The following KIF13A variants were observed in gnomAD, a reference collection of about 807,000 sequenced individuals.
KIF13A encodes the protein kinesin family member 13A, also known as kinesin-like protein KIF13A.
Under a neutral mutation model 212.2 loss-of-function variants are expected in KIF13A, and 79 were observed. That is an observed-to-expected ratio of 0.37 (90% CI 0.31 to 0.45). KIF13A has a LOEUF of 0.45. Ranked by LOEUF, KIF13A falls within the 20% of genes least tolerant of loss-of-function variation. The pLI is 1.00. For synonymous variants in KIF13A, 789 were observed against 808.6 expected, an observed-to-expected ratio of 0.98 and a Z score of 0.41; for missense variants, 1,901 against 2,209.0, an observed-to-expected ratio of 0.86 and a Z score of 2.79.
intron 4 of KIF13A, among the ~76,000 whole-genome samples, chr6:17,866,250 C>A (rs555932352): frequency 1.3e-5 from 2 of 152,130 alleles, no homozygotes; most frequent in East Asian, 1.9e-4. Context: ...GTATTTGAGG[C>A]GAGGTTAAAA....
At chr6:17,762,938 A>C (rs1758652996), downstream of KIF13A, among the ~76,000 whole-genome samples, 1 of 152,204 alleles carries the variant, frequency 6.6e-6, no homozygotes, top group Non-Finnish European at 1.5e-5. Flanking sequence ...CGCAAAACAA[A>C]GGGATAGAGT....
intron 2 of KIF13A, among the ~76,000 whole-genome samples, chr6:17,903,467 T>C (rs1315256946): frequency 1.3e-5 from 2 of 152,164 alleles, no homozygotes; most frequent in African/African-American, 4.8e-5. Flanking sequence ...ATAGTATGGC[T>C]AGAATTTAGG....
chr6:17,802,913 A>ATT (rs58703798), intron 20 of KIF13A, among the ~76,000 whole-genome samples: 1 of 144,372 alleles, frequency 6.9e-6, no homozygotes, highest in Non-Finnish European at 1.5e-5. Flanking sequence ...TGCCTGGTTA[A>ATT]TTTTTTTGTG....
rs554134502 is a variant in KIF13A, at chr6:17,768,189, A to G, written c.4581+2925T>C. Among the ~76,000 whole-genome samples the G allele has an allele frequency of 1.1e-4, 17 of 152,336 alleles. No individual in the cohort carries two copies. The highest frequency in any genetic ancestry group is 3.6e-4 in the African/African-American group (15 of 41,568). On this transcript the variant is annotated intron_variant, in intron 38 of 38. Transcript: ENST00000259711. The surrounding 1 kb of genome is among the most constrained non-coding windows in gnomAD (Gnocchi z 5.4). ...TTTTATACCAGAAATCTCATTTCTC[A>G]TCATAGCTTAAAGAAGAATAAACTA...
Position 17,875,003 on chromosome 6 carries a change from G to GCA in KIF13A, c.160-1568_160-1567dup, listed in dbSNP as rs905903459. 2.6e-3 allele frequency among the ~76,000 whole-genome samples: 349 copies of GCA among 133,366 alleles called. 4 individuals are homozygous for GCA. Among genetic ancestry groups the GCA allele is most frequent in the African/African-American group, 6.3e-3 (223 of 35,306 alleles). 87.5% of individuals were successfully genotyped at this position (133,366 alleles called of 152,430 possible). ...CACACACACACACACGCACACGCAC[G>GCA]CACACACACACACACACACACAGCA... is the stretch of plus-strand genomic sequence containing the variant. On this transcript the variant is annotated intron_variant, in intron 3 of 38. Transcript: ENST00000259711.
At chr6:17,797,973 C>T (rs1271720153) in intron 22 of KIF13A, among the ~76,000 whole-genome samples, 1 of 152,076 alleles carries the variant, frequency 6.6e-6, no homozygotes, top group East Asian at 1.9e-4. Context: ...TGGCAAATCA[C>T]CCAGAAAAAC....
chr6:17,938,628 T>C (rs1776678509), intron 2 of KIF13A, among the ~76,000 whole-genome samples: 1 of 152,150 alleles, frequency 6.6e-6, no homozygotes, highest in South Asian at 2.1e-4. Flanking sequence ...AACTTTTAAA[T>C]ATCCTTCCAG....
In KIF13A at chr6:17,794,128, T is replaced by C. The variant is rs1761835969; in HGVS notation, c.3222+121A>G. The stretch of plus-strand genomic sequence containing the variant: ...CTAGAAAAAAGGCAATGGATGGAAA[T>C]GTGAACTGGGGGAAGATCTACGGTT... On this transcript the variant is annotated intron_variant, in intron 25 of 38. Transcript: ENST00000259711. The surrounding 1 kb of genome is among the most constrained non-coding windows in gnomAD (Gnocchi z 4.1). The C allele has an allele frequency of 4.3e-6, 3 of 690,230 alleles. No individual in the cohort carries two copies. The highest frequency in any genetic ancestry group is 1.7e-5 in the African/African-American group (1 of 57,162). The allele number at this position is 690,230 out of a possible 1,614,324, so 42.8% of individuals were successfully genotyped here.
At position 17,834,014 on chromosome 6, in the gene KIF13A, CTTTT is replaced by C; in HGVS notation, c.1209_1212del (p.Ile403MetfsTer3). ...TTCTCTTCCCAAGTCACTGTTAGTTCTTTTATCAGCTTTTCAGACTCTTCGAGCT... is the reference window on the plus strand; with the variant it reads ...TTCTCTTCCCAAGTCACTGTTAGTTCATCAGCTTTTCAGACTCTTCGAGCT... On this transcript the variant is annotated frameshift_variant, in exon 12 of 39. Transcript: ENST00000259711. LOFTEE classifies it high-confidence loss of function. This position sits in a 1 kb window ranked among gnomAD's most constrained non-coding sequence, Gnocchi z 4.0. 6.2e-7 allele frequency: 1 copy of C among 1,604,152 alleles called. No homozygotes were observed. Among genetic ancestry groups the C allele is most frequent in the Non-Finnish European group, 8.5e-7 (1 of 1,177,878 alleles).
chr6:17,927,947 T>C (rs2150530968), intron 2 of KIF13A, among the ~76,000 whole-genome samples: 1 of 152,290 alleles, frequency 6.6e-6, no homozygotes, highest in South Asian at 2.1e-4. Flanking sequence ...CCCTGACCAC[T>C]CACAGTCATC....
Position 17,777,380 on chromosome 6 carries a change from A to G in KIF13A, c.4093-26T>C. 1 of 1,532,866 alleles carries G rather than the reference A, an allele frequency of 6.5e-7. No homozygotes were observed. Among genetic ancestry groups the G allele is most frequent in the Non-Finnish European group, 8.7e-7 (1 of 1,143,538 alleles). The allele number at this position is 1,532,866 out of a possible 1,614,324, so 95.0% of individuals were successfully genotyped here. A position where few individuals can be genotyped will look rare whatever the true frequency, so the allele number is the denominator to read the frequency against. On this transcript the variant is annotated intron_variant, in intron 33 of 38. Coordinates refer to ENST00000259711, the MANE Select transcript of KIF13A (RefSeq NM_022113.6). The surrounding 1 kb of genome is among the most constrained non-coding windows in gnomAD (Gnocchi z 4.4). ...CTGTAAACATAATAATTTGAAAATA[A>G]CACTTTTTTTTTTTTTCCCCAGAGA... is the stretch of plus-strand genomic sequence containing the variant.
chr6:17,887,132 G>GC (rs397782407), intron 3 of KIF13A, among the ~76,000 whole-genome samples: 2 of 30,792 alleles, frequency 6.5e-5, no homozygotes, highest in Non-Finnish European at 2.9e-4. Context: ...AGTGACATAT[G>GC]CCAGTCTGGG....
At chr6:17,929,941 A>G (rs1281508937) in intron 2 of KIF13A, among the ~76,000 whole-genome samples, 1 of 152,228 alleles carries the variant, frequency 6.6e-6, no homozygotes, top group Non-Finnish European at 1.5e-5. Flanking sequence ...CAACCAGACA[A>G]CAGTCAACGG....
At chr6:17,760,790 G>T, downstream of KIF13A, 1 of 1,525,186 alleles carries the variant, frequency 6.6e-7, no homozygotes, top group Non-Finnish European at 9.1e-7. Context: ...TGGGGCTGGT[G>T]CTTGCCCAAG....
rs567358714 is a variant in KIF13A, at chr6:17,900,049, T to G, written c.147-1869A>C. On this transcript the variant is annotated intron_variant, in intron 2 of 38. Coordinates refer to ENST00000259711, the MANE Select transcript of KIF13A (RefSeq NM_022113.6). This position sits in a 1 kb window ranked among gnomAD's most constrained non-coding sequence, Gnocchi z 4.6. ...TTTAAAAGCCATGAAAATCACTGCT[T>G]TATTTAAAAGAGGAAAGAAAAGTCA... is the stretch of plus-strand genomic sequence containing the variant. Among the ~76,000 whole-genome samples, 1 of 152,310 alleles carries G rather than the reference T, an allele frequency of 6.6e-6. No homozygotes were observed. Among genetic ancestry groups the G allele is most frequent in the Non-Finnish European group, 1.5e-5 (1 of 68,028 alleles).
chr6:17,972,232 T>C lies in KIF13A; in HGVS notation c.146+14822A>G, dbSNP rs543855430. Among the ~76,000 whole-genome samples the C allele has an allele frequency of 3.3e-5, 5 of 152,354 alleles. No homozygotes were observed. In the South Asian group the frequency reaches 6.2e-4, roughly 19 times the overall value. ...CCTCCTTCCTCTTTATTCAAAACAT[T>C]ATCCTTGAAACAAGTAATTTTAAGG... On this transcript the variant is annotated intron_variant, in intron 2 of 38. Transcript: ENST00000259711.
At chr6:17,881,349 T>C in intron 3 of KIF13A, 1 of 346,754 alleles carries the variant, frequency 2.9e-6, no homozygotes, top group Non-Finnish European at 5.5e-6. Context: ...GGTAATGAAG[T>C]TCCATGACTT....
intron 14 of KIF13A, among the ~76,000 whole-genome samples, chr6:17,827,653 G>A (rs1320459076): frequency 6.6e-6 from 1 of 151,934 alleles, no homozygotes; most frequent in East Asian, 1.9e-4. Context: ...AAGTAGCTGG[G>A]ACTAGAGGAA....
downstream of KIF13A, among the ~76,000 whole-genome samples, chr6:17,762,894 A>C (rs997668467): frequency 9.2e-5 from 14 of 152,232 alleles, no homozygotes; most frequent in African/African-American, 3.4e-4. Flanking sequence ...TATGAAAAGC[A>C]GGGGCAAAAG....
Sources: gnomAD v4.1 joint callset for allele counts (sites outside exome capture counted in the v4.1 genomes callset) on GRCh38, gnomAD v4.1.1 for gene constraint, Gnocchi (gnomAD v3.1) non-coding constraint, MANE v1.5 for transcripts, NCBI Gene and HGNC (gene_info 2026-07-23, HGNC 2026-07-21) for gene names.